The following HIP1 variants were observed in gnomAD, a reference collection of about 807,000 sequenced individuals.
The protein encoded by HIP1 is huntingtin interacting protein 1.
A neutral mutation model predicts 147.6 loss-of-function variants in HIP1; 65 were observed. That is an observed-to-expected ratio of 0.44 (90% CI 0.36 to 0.54). HIP1 has a LOEUF of 0.54. Ranked by LOEUF, HIP1 falls within the 20% of genes least tolerant of loss-of-function variation. HIP1 has a pLI of 0.00. For synonymous variants in HIP1, 479 were observed against 504.0 expected (o/e 0.95, Z 0.67); for missense variants, 1,061 against 1,299.6 (o/e 0.82, Z 2.82).
At chr7:75,549,375 T>C (rs1430995685) in intron 22 of HIP1, among the ~76,000 whole-genome samples, 2 of 144,536 alleles carry the variant, frequency 1.4e-5, no homozygotes, top group Admixed American at 6.8e-5. Flanking sequence ...TTCTTTTCTT[T>C]TTTTTTTTTT....
rs1563230100 is a variant in HIP1 at position 75,595,228 on chromosome 7, CTTTCTTTCTTT to C, written c.185-2725_185-2715del. Among the ~76,000 whole-genome samples, 17 of 105,928 alleles carry C rather than the reference CTTTCTTTCTTT, an allele frequency of 1.6e-4. 1 individual carries two copies. Among genetic ancestry groups the C allele is most frequent in the African/African-American group, 7.7e-4 (17 of 22,156 alleles). The allele number at this position is 105,928 out of a possible 152,430, so 69.5% of individuals were successfully genotyped here. On this transcript the variant is annotated intron_variant, in intron 2 of 30. Coordinates refer to ENST00000336926, the MANE Select transcript of HIP1 (RefSeq NM_005338.7). Reference sequence around the variant, plus strand: ...TCTTTCTTTCTTTCTTTCTTTCTTTCTTTCTTTCTTTCTTTCTTTCTTTCTTCCTTCCTTCC... The same window carrying C: ...TCTTTCTTTCTTTCTTTCTTTCTTTCCTTTCTTTCTTTCTTCCTTCCTTCC...
At chr7:75,557,011 G>A (rs1554493526) in intron 16 of HIP1, among the ~76,000 whole-genome samples, 200 bp from the exon 17 acceptor site, 1 of 126,266 alleles carries the variant, frequency 7.9e-6, no homozygotes, top group African/African-American at 3.3e-5. Context: ...GTCAAGGAAG[G>A]ATTTTTTATT....
At chr7:75,590,464 G>T (rs1490086923) in intron 4 of HIP1, among the ~76,000 whole-genome samples, 3 of 152,000 alleles carry the variant, frequency 2.0e-5, no homozygotes, top group Non-Finnish European at 4.4e-5. Flanking sequence ...CCAAAAGAAG[G>T]CAAGGAATGA....
chr7:75,619,622 C>A (rs1554506660), intron 1 of HIP1, among the ~76,000 whole-genome samples: 1 of 151,780 alleles, frequency 6.6e-6, no homozygotes, highest in Non-Finnish European at 1.5e-5. Context: ...TCAGCTCAGA[C>A]AAGTATACCT....
At chr7:75,713,059 G>A (rs1244414016) in intron 1 of HIP1, among the ~76,000 whole-genome samples, 4 of 152,192 alleles carry the variant, frequency 2.6e-5, no homozygotes, top group African/African-American at 7.2e-5. Flanking sequence ...AAAGCCCTGT[G>A]GCCTACAGGA....
chr7:75,674,441 T>C (rs1287122995), intron 1 of HIP1, among the ~76,000 whole-genome samples: 1 of 152,184 alleles, frequency 6.6e-6, no homozygotes, highest in Non-Finnish European at 1.5e-5. Flanking sequence ...CTGGCAGTTT[T>C]CTCCTTTCAT....
chr7:75,592,209 G>C, intron 3 of HIP1, 97 bp from the exon 4 acceptor site: 1 of 1,396,786 alleles, frequency 7.2e-7, no homozygotes, highest in Non-Finnish European at 1.0e-6. Flanking sequence ...CTAGGGCAGG[G>C]GGACAGGCTG....
chr7:75,623,221 A>G (rs1797916557), intron 1 of HIP1, among the ~76,000 whole-genome samples: 1 of 151,046 alleles, frequency 6.6e-6, no homozygotes, highest in Non-Finnish European at 1.5e-5. Context: ...AAAAAAAAAA[A>G]AAAAAAAAGG....
At chr7:75,688,935 G>A (rs924725195) in intron 1 of HIP1, among the ~76,000 whole-genome samples, 7 of 152,282 alleles carry the variant, frequency 4.6e-5, no homozygotes, top group Admixed American at 3.9e-4. Context: ...CTGCAGCCAC[G>A]CGCAGGACCC....
In HIP1 at chr7:75,535,572, C is replaced by T. The variant is rs1184517133; in HGVS notation, c.*2600G>A. ...ATGAGGTCTTGCTATGATGCCCAGC[C>T]TGGTCTCAAACTCCTGAGCTCAAGC... On this transcript the variant is annotated 3_prime_UTR_variant, in exon 31 of 31. Transcript: ENST00000336926. The T allele has an allele frequency of 5.5e-6, 1 of 181,490 alleles. No individual in the cohort carries two copies. The highest frequency in any genetic ancestry group is 2.4e-5 in the African/African-American group (1 of 42,414). The allele number at this position is 181,490 out of a possible 1,614,324, so 11.2% of individuals were successfully genotyped here. A position where few individuals can be genotyped will look rare whatever the true frequency, so the allele number is the denominator to read the frequency against.
intron 1 of HIP1, among the ~76,000 whole-genome samples, chr7:75,651,902 G>A (rs868985921): frequency 6.6e-6 from 1 of 152,086 alleles, no homozygotes; most frequent in Admixed American, 6.6e-5. Flanking sequence ...CCAGCTACTC[G>A]GGAGGCTGAG....
At chr7:75,642,769 G>A (rs1186034761) in intron 1 of HIP1, among the ~76,000 whole-genome samples, 1 of 152,158 alleles carries the variant, frequency 6.6e-6, no homozygotes, top group Non-Finnish European at 1.5e-5. Context: ...ATCGGACACA[G>A]CCAGTCCCTT....
chr7:75,638,563 T>C (rs1798520954), intron 1 of HIP1, among the ~76,000 whole-genome samples: 1 of 152,142 alleles, frequency 6.6e-6, no homozygotes, highest in Admixed American at 6.5e-5. Flanking sequence ...AAGGGCTCCA[T>C]TCCTGCCCCC....
chr7:75,562,242 A>T, intron 11 of HIP1, 72 bp from the exon 12 acceptor site: 1 of 931,312 alleles, frequency 1.1e-6, no homozygotes, highest in Non-Finnish European at 1.8e-6. Context: ...CAGTTGAGTG[A>T]TATGGGAGAA....
intron 1 of HIP1, among the ~76,000 whole-genome samples, chr7:75,617,732 G>A (rs1797717385): frequency 6.6e-6 from 1 of 152,218 alleles, no homozygotes; most frequent in Admixed American, 6.5e-5. Flanking sequence ...CACCCACAGG[G>A]AGCTGTGGCT....
At chr7:75,711,011 C>T (rs1264828673) in intron 1 of HIP1, among the ~76,000 whole-genome samples, 1 of 152,168 alleles carries the variant, frequency 6.6e-6, no homozygotes, top group Non-Finnish European at 1.5e-5. Context: ...CTACTATTAT[C>T]ACTGTGTCTT....
At position 75,562,104 on chromosome 7, in the gene HIP1, T is replaced by G; in HGVS notation, c.1087A>C (p.Asn363His). The part of the protein sequence containing the change: ...SSFSSDPFNF[N>H]SQNGVNKDEK... ...TCCTTGTTCACACCATTTTGACTGT[T>G]GAAATTGAAGGGATCACTGCTGAAT... The change falls in exon 12 of 31, where the codon AAC becomes CAC. Residue 363 changes from asparagine to histidine, a missense_variant. By Grantham distance (68) the Asn-to-His change is moderately conservative. Coordinates refer to ENST00000336926, the MANE Select transcript of HIP1 (RefSeq NM_005338.7). 1 of 1,613,186 alleles carries G rather than the reference T, an allele frequency of 6.2e-7. No homozygotes were observed. The highest frequency in any genetic ancestry group is 8.5e-7 in the Non-Finnish European group (1 of 1,179,152).
At chr7:75,654,569 CA>C (rs1336630696) in intron 1 of HIP1, 1 of 152,244 alleles carries the variant, frequency 6.6e-6, no homozygotes, top group Non-Finnish European at 1.5e-5. Flanking sequence ...TCGGTACCAC[CA>C]GAGGCTGGGT....
intron 1 of HIP1, among the ~76,000 whole-genome samples, chr7:75,656,741 T>G (rs1389933372): frequency 6.6e-6 from 1 of 152,192 alleles, no homozygotes; most frequent in African/African-American, 2.4e-5. Context: ...CCTCCCAAAG[T>G]GCTGGGATTA....
Sources: gnomAD v4.1 joint callset for allele counts (sites outside exome capture counted in the v4.1 genomes callset) on GRCh38, gnomAD v4.1.1 for gene constraint, MANE v1.5 for transcripts, NCBI Gene and HGNC (gene_info 2026-07-23, HGNC 2026-07-21) for gene names.